USP34: variants seen among roughly 807,000 people sequenced by gnomAD.
USP34 encodes ubiquitin carboxyl-terminal hydrolase 34.
A neutral mutation model predicts 460.3 loss-of-function variants in USP34; 70 were observed. The observed-to-expected ratio is 0.15, with a 90% confidence interval of 0.13 to 0.19. The LOEUF is 0.19. USP34 is among the 10% of genes least tolerant of loss of function. The pLI, the probability that USP34 is intolerant of heterozygous loss-of-function variation, is 1.00. For synonymous variants in USP34, 1,647 were observed against 1,405.3 expected, an observed-to-expected ratio of 1.17 and a Z score of -3.85; for missense variants, 3,985 against 4,236.2, an observed-to-expected ratio of 0.94 and a Z score of 1.65.
Position 61,311,842 on chromosome 2 carries a change from C to G in USP34, c.3611G>C (p.Ser1204Thr). 1.2e-6 allele frequency: 2 copies of G among 1,614,048 alleles called. No individual in the cohort carries two copies. Among genetic ancestry groups the G allele is most frequent in the Non-Finnish European group, 1.7e-6 (2 of 1,179,962 alleles). Residue 1204 changes from serine to threonine, a missense_variant, in exon 26 of 80, where the codon AGT (serine) becomes ACT (threonine). Around this residue, in one of 14 missense-constraint regions of USP34, gnomAD observed 1,114 missense variants for 1,122.5 expected, o/e 0.99. Coordinates refer to ENST00000398571, the MANE Select transcript of USP34 (RefSeq NM_014709.4). ...CCTTAGCGGCAGAGACTGTTTGTCA[C>G]TCAGTGCTTTCAAATGACTACTAAT... is the stretch of plus-strand genomic sequence containing the variant. The part of the protein sequence containing the change: ...TGISSHLKAL[S>T]DKQSLPLRVV...
chr2:61,355,266 C>T (rs1037448745), intron 10 of USP34, among the ~76,000 whole-genome samples: 2 of 152,072 alleles, frequency 1.3e-5, no homozygotes, highest in Admixed American at 1.3e-4. Context: ...AGAGTCCTTC[C>T]AGTTGAAATG....
chr2:61,286,645 G>A (rs1279972258), intron 34 of USP34, among the ~76,000 whole-genome samples: 1 of 151,700 alleles, frequency 6.6e-6, no homozygotes, highest in Non-Finnish European at 1.5e-5. Context: ...ACAGAGCTAG[G>A]CTCCGTCTCA....
At chr2:61,449,767 C>T (rs1201367855) in intron 1 of USP34, among the ~76,000 whole-genome samples, 1 of 152,108 alleles carries the variant, frequency 6.6e-6, no homozygotes, top group Non-Finnish European at 1.5e-5. Context: ...CAGCCTCATG[C>T]AAAAGAATGA....
intron 21 of USP34, 79 bp from the exon 22 acceptor site, chr2:61,319,406 A>G: frequency 9.6e-7 from 1 of 1,040,126 alleles, no homozygotes. Context: ...GTGTATGTAC[A>G]GTAAGTCCTC....
At chr2:61,304,235 G>C (rs984842252) in intron 27 of USP34, among the ~76,000 whole-genome samples, 4 of 152,134 alleles carry the variant, frequency 2.6e-5, no homozygotes, top group Admixed American at 6.6e-5. Context: ...AACTTGATGA[G>C]ACAATTAAAT....
chr2:61,272,150 G>A (rs1455871489), intron 41 of USP34, among the ~76,000 whole-genome samples: 4 of 152,120 alleles, frequency 2.6e-5, no homozygotes, highest in Admixed American at 6.5e-5. Context: ...GGCGGCTCAC[G>A]CCTGTAATCC....
intron 43 of USP34, among the ~76,000 whole-genome samples, chr2:61,264,745 C>T (rs1029720082): frequency 8.5e-5 from 13 of 152,056 alleles, no homozygotes; most frequent in Non-Finnish European, 1.3e-4. Context: ...CATAGTTGGC[C>T]GGGCATGGTG....
chr2:61,391,782 C>G (rs1342454131), intron 5 of USP34, among the ~76,000 whole-genome samples: 1 of 152,100 alleles, frequency 6.6e-6, no homozygotes, highest in Non-Finnish European at 1.5e-5. Context: ...AAAAAGAACT[C>G]TAAGCTCTTA....
At chr2:61,226,968 T>C (rs1020923697) in intron 62 of USP34, 99 bp downstream of exon 62, 48 of 1,313,136 alleles carry the variant, frequency 3.7e-5, no homozygotes, top group Non-Finnish European at 4.8e-5. Flanking sequence ...TAATTAAACA[T>C]ATATAATAAA....
intron 3 of USP34, 130 bp from the exon 4 acceptor site, chr2:61,395,363 G>C (rs982763020): frequency 3.0e-5 from 19 of 632,340 alleles, no homozygotes; most frequent in Middle Eastern, 4.3e-4. Flanking sequence ...CTGATAAGCA[G>C]TGATACTCCT....
chr2:61,329,184 C>A (rs809011), intron 20 of USP34, among the ~76,000 whole-genome samples: 147,079 of 150,768 alleles, frequency 0.98, 71,736 homozygotes, highest in East Asian at 1. Context: ...ACCACGCCTG[C>A]CTTTTTTTTT....
At chr2:61,243,736 T>C (rs908984069) in intron 51 of USP34, among the ~76,000 whole-genome samples, 11 of 151,758 alleles carry the variant, frequency 7.2e-5, no homozygotes, top group Admixed American at 7.2e-4. Flanking sequence ...CTGGGCATGG[T>C]GGCGCGTGCC....
chr2:61,382,699 A>C (rs375227748), intron 6 of USP34, among the ~76,000 whole-genome samples: 2 of 152,222 alleles, frequency 1.3e-5, no homozygotes, highest in South Asian at 4.1e-4. Flanking sequence ...CTTTAATTCT[A>C]ATCAGTACAA....
At chr2:61,325,348 TTA>T in intron 21 of USP34, 25 bp downstream of exon 21, 1 of 1,459,038 alleles carries the variant, frequency 6.9e-7, no homozygotes, top group Non-Finnish European at 9.2e-7. Context: ...AAACAGATTT[TTA>T]AAAAGTACTG....
At chr2:61,211,989 T>C in intron 68 of USP34, 60 bp from the exon 69 acceptor site, 1 of 1,512,246 alleles carries the variant, frequency 6.6e-7, no homozygotes, top group South Asian at 1.3e-5. Flanking sequence ...GAAGGTCAGT[T>C]TCTCATTTCT....
intron 53 of USP34, among the ~76,000 whole-genome samples, chr2:61,238,667 A>G (rs1688142344): frequency 6.6e-6 from 1 of 152,210 alleles, no homozygotes; most frequent in South Asian, 2.1e-4. Flanking sequence ...TACATTTTAA[A>G]TTTAATTTTA....
Position 61,301,034 on chromosome 2 carries a change from G to A in USP34, c.4045C>T (p.His1349Tyr), listed in dbSNP as rs1690203011. ...IPMLLLLQEP[H>Y]LTTLFDLLEM... is the part of the protein sequence containing the mutation. ...AATAAATCAAAAAGAGTAGTTAAAT[G>A]AGGCTCTTGTAAAAGCAAAAGCATT... The change falls in exon 29 of 80, where the codon CAT (histidine) becomes TAT (tyrosine). Residue 1349 changes from histidine to tyrosine, a missense_variant. This residue lies in a region of USP34 where 1,114 missense variants were observed against 1,122.5 expected (regional missense o/e 0.99). Transcript: ENST00000398571. The A allele has an allele frequency of 6.2e-7, 1 of 1,613,962 alleles. No individual in the cohort carries two copies. Among genetic ancestry groups the A allele is most frequent in the Non-Finnish European group, 8.5e-7 (1 of 1,179,942 alleles).
intron 1 of USP34, among the ~76,000 whole-genome samples, chr2:61,470,361 CATTA>C (rs1369569401): frequency 6.6e-6 from 1 of 152,082 alleles, no homozygotes; most frequent in Non-Finnish European, 1.5e-5. Flanking sequence ...TTACTGCCTT[CATTA>C]ATTGACACCT....
At chr2:61,218,195 G>GTAAC (rs1352781390) in intron 67 of USP34, among the ~76,000 whole-genome samples, 8 of 150,652 alleles carry the variant, frequency 5.3e-5, no homozygotes, top group Non-Finnish European at 1.2e-4. Flanking sequence ...TACGGTCAGG[G>GTAAC]GTCAAGACAT....
Sources: gnomAD v4.1 joint callset for allele counts (sites outside exome capture counted in the v4.1 genomes callset) on GRCh38, gnomAD v4.1.1 for gene constraint, gnomAD v4.1.1 regional missense constraint, MANE v1.5 for transcripts, NCBI Gene and HGNC (gene_info 2026-07-23, HGNC 2026-07-21) for gene names.